OCA2: variants seen among roughly 807,000 people sequenced by gnomAD.
OCA2 encodes the protein OCA2 melanosomal transmembrane protein.
In OCA2, 77 loss-of-function variants were observed where a neutral mutation model predicts 100.2. The observed-to-expected ratio is 0.77, with a 90% confidence interval of 0.64 to 0.93. The LOEUF is 0.93. OCA2 is among the 40% of genes least tolerant of loss of function. The pLI, the probability that OCA2 is intolerant of heterozygous loss-of-function variation, is 0.00. For synonymous variants in OCA2, 432 were observed against 439.2 expected, an observed-to-expected ratio of 0.98 and a Z score of 0.21; for missense variants, 1,062 against 1,089.1, an observed-to-expected ratio of 0.98 and a Z score of 0.35.
At chr15:28,035,886 T>A (rs2043032848) in intron 2 of OCA2, among the ~76,000 whole-genome samples, 2 of 548 alleles carry the variant, frequency 3.6e-3, no homozygotes, top group Non-Finnish European at 5.2e-3. Context: ...CTGTACATAA[T>A]TCTATTAATT....
intron 2 of OCA2, among the ~76,000 whole-genome samples, chr15:28,061,236 G>A (rs201517249): frequency 2.0e-4 from 30 of 152,238 alleles, no homozygotes; most frequent in South Asian, 1.2e-3. Flanking sequence ...GCTGAAAGCC[G>A]ACCCCAACAT....
At chr15:27,799,439 T>C (rs888646003) in intron 23 of OCA2, among the ~76,000 whole-genome samples, 1 of 152,168 alleles carries the variant, frequency 6.6e-6, no homozygotes, top group Non-Finnish European at 1.5e-5. Flanking sequence ...GTGGTCAAAA[T>C]TGCCTGTCTG....
At chr15:27,894,989 G>A (rs1049368101) in intron 19 of OCA2, among the ~76,000 whole-genome samples, 3 of 152,184 alleles carry the variant, frequency 2.0e-5, no homozygotes. Context: ...CCAGCTCAGA[G>A]TTGTGATGAT....
At chr15:27,823,103 A>G (rs1048289557) in intron 23 of OCA2, among the ~76,000 whole-genome samples, 1 of 152,260 alleles carries the variant, frequency 6.6e-6, no homozygotes, top group Non-Finnish European at 1.5e-5. Flanking sequence ...CGTATATTCA[A>G]AATAAAATTC....
intron 23 of OCA2, among the ~76,000 whole-genome samples, chr15:27,770,790 C>G (rs1322285322): frequency 1.1e-5 from 1 of 89,186 alleles, no homozygotes; most frequent in Non-Finnish European, 2.8e-5. Flanking sequence ...TCCTTCCTTC[C>G]TCCCTCCCTC....
intron 18 of OCA2, among the ~76,000 whole-genome samples, chr15:27,949,218 T>G (rs1205928334): frequency 6.6e-6 from 1 of 152,236 alleles, no homozygotes; most frequent in East Asian, 1.9e-4. Flanking sequence ...TTATATGAAA[T>G]TACATTGTTA....
chr15:27,781,593 G>T (rs1345185500), intron 23 of OCA2, among the ~76,000 whole-genome samples: 1 of 152,016 alleles, frequency 6.6e-6, no homozygotes, highest in Non-Finnish European at 1.5e-5. Context: ...TTTCTTTTGT[G>T]TGCTTTATCA....
chr15:27,824,027 T>C (rs139769602), intron 23 of OCA2, among the ~76,000 whole-genome samples: 1 of 152,314 alleles, frequency 6.6e-6, no homozygotes, highest in African/African-American at 2.4e-5. Context: ...TCGAAATGCA[T>C]CATAAAATCT....
chr15:27,872,651 A>C (rs979716652), intron 19 of OCA2, among the ~76,000 whole-genome samples: 8 of 152,028 alleles, frequency 5.3e-5, no homozygotes, highest in African/African-American at 1.7e-4. Flanking sequence ...CAAATATTGG[A>C]AACAGCAGCT....
At chr15:28,056,079 T>C (rs530253882) in intron 2 of OCA2, among the ~76,000 whole-genome samples, 6 of 152,104 alleles carry the variant, frequency 3.9e-5, no homozygotes, top group African/African-American at 1.4e-4. Context: ...CCCTGGAGCC[T>C]CGTGGCCCTG....
intron 14 of OCA2, among the ~76,000 whole-genome samples, chr15:27,975,222 A>T (rs115905031): frequency 0.01 from 1,592 of 152,348 alleles, 32 homozygotes; most frequent in African/African-American, 0.037. Flanking sequence ...TTACATTAAC[A>T]CTAATGTGAT....
At chr15:27,998,281 AT>A (rs2041813970) in intron 9 of OCA2, among the ~76,000 whole-genome samples, 1 of 88,126 alleles carries the variant, frequency 1.1e-5, no homozygotes, top group Non-Finnish European at 3.8e-5. Context: ...ATGGGAGAAA[AT>A]TTTTGCAACC....
intron 23 of OCA2, among the ~76,000 whole-genome samples, chr15:27,779,660 A>T (rs576085739): frequency 6.6e-6 from 1 of 152,330 alleles, no homozygotes; most frequent in South Asian, 2.1e-4. Flanking sequence ...CCTTAAATTT[A>T]AAGTGAATCT....
At chr15:27,897,801 C>T (rs1204764360) in intron 19 of OCA2, among the ~76,000 whole-genome samples, 1 of 152,182 alleles carries the variant, frequency 6.6e-6, no homozygotes, top group Non-Finnish European at 1.5e-5. Context: ...TCCGCAGACA[C>T]TCAACACTCA....
At chr15:28,027,154 A>G (rs1365195184) in intron 4 of OCA2, among the ~76,000 whole-genome samples, 1 of 152,240 alleles carries the variant, frequency 6.6e-6, no homozygotes, top group African/African-American at 2.4e-5. Context: ...TAAATAGGCC[A>G]GTAAGGTGAG....
intron 19 of OCA2, among the ~76,000 whole-genome samples, chr15:27,918,345 C>T (rs1376721683): frequency 6.6e-6 from 1 of 152,114 alleles, no homozygotes; most frequent in Admixed American, 6.5e-5. Flanking sequence ...GCTGGGATTA[C>T]AGGCGAGAGC....
At position 28,018,440 on chromosome 15, in the gene OCA2, G is replaced by A. The variant is rs535681042; in HGVS notation, c.764C>T (p.Thr255Ile). Residue 255 changes from threonine (T) to isoleucine (I), a missense_variant, in exon 7 of 24, where the codon ACC (threonine) becomes ATC (isoleucine). Physicochemically the swap from Thr to Ile is moderately conservative, Grantham distance 89. Transcript: ENST00000354638. ...CCTGGAGCCCAAAGCGTCAGCCTGG[G>A]TCAGCTCCACCACGATGTGCTCTTC... ...GREEHIVVEL[T>I]QADALGSRWR... is the part of the protein sequence containing the mutation. 3 of 1,614,128 alleles carry A rather than the reference G, an allele frequency of 1.9e-6. No homozygotes were observed. In the South Asian group the frequency reaches 3.3e-5, roughly 18 times the overall value.
intron 19 of OCA2, among the ~76,000 whole-genome samples, chr15:27,917,942 C>A (rs780860064): frequency 1.3e-5 from 2 of 152,112 alleles, no homozygotes; most frequent in Non-Finnish European, 2.9e-5. Context: ...AAGGTTACAC[C>A]TCATGAAGAT....
intron 2 of OCA2, among the ~76,000 whole-genome samples, chr15:28,048,554 A>C (rs975281956): frequency 1.4e-4 from 21 of 152,186 alleles, no homozygotes; most frequent in African/African-American, 4.8e-4. Flanking sequence ...AAAATAGATC[A>C]TTTATTTAAG....
Sources: allele counts gnomAD v4.1 joint callset (sites outside exome capture counted in the v4.1 genomes callset), GRCh38; gene constraint gnomAD v4.1.1; transcripts MANE v1.5; gene names NCBI Gene and HGNC (gene_info 2026-07-23, HGNC 2026-07-21).